DENND5A: variants seen among roughly 807,000 people sequenced by gnomAD.
DENND5A encodes the protein DENN domain containing 5A, also known as DENN domain-containing protein 5A.
A neutral mutation model predicts 140.3 loss-of-function variants in DENND5A; 64 were observed. The observed-to-expected ratio is 0.46, with a 90% CI of 0.37 to 0.56. The LOEUF (loss-of-function observed/expected upper bound fraction) is 0.56, where lower values mean the gene tolerates loss of function less well. Ranked by LOEUF, DENND5A falls within the 20% of genes least tolerant of loss-of-function variation. The pLI is 0.00. For synonymous variants in DENND5A, 605 were observed against 607.7 expected (o/e 1.00, Z 0.07); for missense variants, 1,292 against 1,593.8 (o/e 0.81, Z 3.22).
intron 1 of DENND5A, among the ~76,000 whole-genome samples, chr11:9,253,372 G>A (rs55962227): frequency 0.15 from 22,335 of 152,166 alleles, 2,071 homozygotes; most frequent in Non-Finnish European, 0.21. Context: ...TTCCTTCTAT[G>A]AAGAAAATTG....
chr11:9,170,764 C>G lies in DENND5A; in HGVS notation c.1920G>C (p.Glu640Asp). ...TATGGTCAATTTTTGCCAGACGCAG[C>G]TCAATTGCTTTCTCTGGATGAGAAT... is the stretch of plus-strand genomic sequence containing the variant. ...TTVDEAEKAI[E>D]LRLAKIDHTA... Residue 640 changes from glutamate to aspartate, a missense_variant, in exon 9 of 23, where the codon GAG becomes GAC. Physicochemically the swap from Glu to Asp is conservative, Grantham distance 45. Coordinates refer to ENST00000328194, the MANE Select transcript of DENND5A (RefSeq NM_015213.4). 1 of 1,613,190 alleles carries G rather than the reference C, an allele frequency of 6.2e-7. No homozygotes were observed. Among genetic ancestry groups the G allele is most frequent in the Non-Finnish European group, 8.5e-7 (1 of 1,179,880 alleles).
At position 9,228,724 on chromosome 11, in the gene DENND5A, A is replaced by T. The variant is rs529788057; in HGVS notation, c.110-21092T>A. 2.0e-5 allele frequency among the ~76,000 whole-genome samples: 3 copies of T among 152,128 alleles called. No homozygotes were observed. In the South Asian group the frequency reaches 6.2e-4, roughly 32 times the overall value. On this transcript the variant is annotated intron_variant, in intron 1 of 22. Transcript: ENST00000328194. ...GCAGAGTGAGACACCGTCTCAAAAA[A>T]AAAAAAAACATAAACAACAGGGTTC...
intron 1 of DENND5A, among the ~76,000 whole-genome samples, chr11:9,250,245 A>T (rs1377473814): frequency 6.6e-6 from 1 of 151,374 alleles, no homozygotes. Flanking sequence ...CCAGGCAAAA[A>T]GCATAAAACA....
chr11:9,145,597 C>G (rs1030836606), intron 17 of DENND5A, 73 bp downstream of exon 17: 1 of 1,536,922 alleles, frequency 6.5e-7, no homozygotes, highest in Non-Finnish European at 9.0e-7. Flanking sequence ...CTGAAAAACC[C>G]TGCAGAAAAC....
chr11:9,247,111 T>C (rs1019537586), intron 1 of DENND5A, among the ~76,000 whole-genome samples: 1 of 151,758 alleles, frequency 6.6e-6, no homozygotes, highest in Non-Finnish European at 1.5e-5. Context: ...GCGCCTGTAG[T>C]CCCAGCTACT....
chr11:9,265,161 C>T lies in DENND5A; in HGVS notation c.-92G>A. On this transcript the variant is annotated 5_prime_UTR_variant, in exon 1 of 23. Coordinates refer to ENST00000328194, the MANE Select transcript of DENND5A (RefSeq NM_015213.4). The surrounding 1 kb of genome is among the most constrained non-coding windows in gnomAD (Gnocchi z 4.7). ...CCCGTCCGCCCTCAGGCCGCCCCTC[C>T]CGCCGCCGCCGCTACCGCGGCTCGG... The T allele has an allele frequency of 1.6e-6, 1 of 625,342 alleles. No individual in the cohort carries two copies. Among genetic ancestry groups the T allele is most frequent in the Non-Finnish European group, 2.0e-6 (1 of 497,670 alleles). The allele number at this position is 625,342 out of a possible 1,614,324, so 38.7% of individuals were successfully genotyped here.
At chr11:9,264,874 G>A in intron 1 of DENND5A, 87 bp downstream of exon 1, 1 of 1,245,788 alleles carries the variant, frequency 8.0e-7, no homozygotes, top group Non-Finnish European at 1.1e-6. Flanking sequence ...CGGCTCCCGG[G>A]ACAAAGCGGG....
At chr11:9,233,992 A>G (rs1285801267) in intron 1 of DENND5A, among the ~76,000 whole-genome samples, 1 of 152,088 alleles carries the variant, frequency 6.6e-6, no homozygotes, top group African/African-American at 2.4e-5. Context: ...AGCCTGGCCA[A>G]CATGGTGAAA....
At chr11:9,240,808 G>C (rs951734027) in intron 1 of DENND5A, among the ~76,000 whole-genome samples, 1 of 152,150 alleles carries the variant, frequency 6.6e-6, no homozygotes, top group African/African-American at 2.4e-5. Context: ...CCTGATAGGG[G>C]TTATAGGTGT....
Position 9,169,495 on chromosome 11 carries a change from GCACACACACACACA to G in DENND5A, c.2151+347_2151+360del, listed in dbSNP as rs59297086. 4.4e-3 allele frequency among the ~76,000 whole-genome samples: 639 copies of G among 145,802 alleles called. 2 individuals carry two copies. The highest frequency in any genetic ancestry group is 0.016 in the African/African-American group (617 of 39,694). On this transcript the variant is annotated intron_variant, in intron 10 of 22. Transcript: ENST00000328194. ...ATTAACTTTTTTCCTATATACACAC[GCACACACACACACA>G]CACACACACACACACACACAAAACT...
chr11:9,181,993 A>T lies in DENND5A; in HGVS notation c.1138-909T>A, dbSNP rs569546333. Among the ~76,000 whole-genome samples the T allele has an allele frequency of 2.0e-5, 3 of 152,324 alleles. No individual in the cohort carries two copies. In the South Asian group the frequency reaches 6.2e-4, roughly 32 times the overall value. ...GAGAATGTAAAGAGATAGTGCTCAC[A>T]CACTGCTGATGGGGTAGATAATCTG... On this transcript the variant is annotated intron_variant, in intron 5 of 22. Transcript: ENST00000328194.
intron 1 of DENND5A, among the ~76,000 whole-genome samples, chr11:9,243,123 C>T (rs1277504855): frequency 3.0e-5 from 4 of 131,886 alleles, no homozygotes; most frequent in African/African-American, 5.7e-5. Context: ...AAAACTGAGG[C>T]GAGTAAGGCT....
chr11:9,243,737 T>G (rs966247823), intron 1 of DENND5A, among the ~76,000 whole-genome samples: 2 of 152,100 alleles, frequency 1.3e-5, no homozygotes. Flanking sequence ...AATACAAAAA[T>G]TAGCCGGGCG....
intron 4 of DENND5A, among the ~76,000 whole-genome samples, chr11:9,200,155 A>C (rs1849475461): frequency 6.6e-6 from 1 of 152,220 alleles, no homozygotes; most frequent in African/African-American, 2.4e-5. Flanking sequence ...TATGTTCATC[A>C]TATTTGTTTC....
chr11:9,234,591 C>T (rs558794765), intron 1 of DENND5A, among the ~76,000 whole-genome samples: 26 of 152,296 alleles, frequency 1.7e-4, no homozygotes, highest in African/African-American at 5.5e-4. Context: ...GTGACATGTT[C>T]GCGATGGCCC....
intron 1 of DENND5A, among the ~76,000 whole-genome samples, chr11:9,211,705 G>A (rs1849884476): frequency 1.3e-5 from 2 of 151,826 alleles, no homozygotes; most frequent in Admixed American, 6.6e-5. Context: ...AGGCCGAGGC[G>A]GGAAGATCAC....
chr11:9,206,816 C>A (rs773347163), intron 2 of DENND5A, 34 bp from the exon 3 acceptor site: 4 of 1,472,142 alleles, frequency 2.7e-6, no homozygotes, highest in African/African-American at 2.8e-5. Context: ...ATCATTTCTA[C>A]AAAATCCCTT....
chr11:9,173,827 G>T (rs185229773), intron 8 of DENND5A, among the ~76,000 whole-genome samples: 1 of 152,070 alleles, frequency 6.6e-6, no homozygotes, highest in African/African-American at 2.4e-5. Flanking sequence ...TTGAAAGGCC[G>T]GGTGCAGTGG....
intron 22 of DENND5A, among the ~76,000 whole-genome samples, chr11:9,140,955 C>G (rs184003855): frequency 5.9e-5 from 9 of 152,146 alleles, no homozygotes; most frequent in South Asian, 4.2e-4. Context: ...GGAGAAACCC[C>G]GTCTCTACTA....
Sources: allele counts gnomAD v4.1 joint callset (sites outside exome capture counted in the v4.1 genomes callset), GRCh38; gene constraint gnomAD v4.1.1; non-coding constraint Gnocchi (gnomAD v3.1); transcripts MANE v1.5; gene names NCBI Gene and HGNC (gene_info 2026-07-23, HGNC 2026-07-21).